CADM2: variants seen among roughly 807,000 people sequenced by gnomAD.
The protein encoded by CADM2 is cell adhesion molecule 2.
CADM2 carries 12 observed loss-of-function variants against 49.8 expected under a neutral mutation model. The ratio of observed to expected loss-of-function variants is 0.24; its 90% CI spans 0.15 to 0.39. CADM2 has a LOEUF of 0.39. Ranked by LOEUF, CADM2 falls within the 10% of genes least tolerant of loss-of-function variation. CADM2 has a pLI of 1.00. For missense variants in CADM2, 378 were observed against 492.3 expected, an observed-to-expected ratio of 0.77 and a Z score of 2.20; for synonymous variants, 214 against 175.4, an observed-to-expected ratio of 1.22 and a Z score of -1.74.
chr3:85,753,194 T>C (rs1012057129), intron 2 of CADM2, among the ~76,000 whole-genome samples: 2 of 152,070 alleles, frequency 1.3e-5, no homozygotes, highest in Non-Finnish European at 2.9e-5. Flanking sequence ...TCCAAATACA[T>C]TAAATATATA....
chr3:85,510,798 C>A (rs1034755743), intron 1 of CADM2, among the ~76,000 whole-genome samples: 3 of 152,010 alleles, frequency 2.0e-5, no homozygotes, highest in Admixed American at 6.6e-5. Context: ...AATTGAGTTT[C>A]TACTTCATAT....
chr3:85,907,922 AAAAG>A (rs1272983042), intron 5 of CADM2, among the ~76,000 whole-genome samples: 1 of 151,950 alleles, frequency 6.6e-6, no homozygotes, highest in African/African-American at 2.4e-5. Flanking sequence ...AAAAAAAAAA[AAAAG>A]AAGATATCTT....
chr3:85,241,113 A>G (rs2042520745), intron 1 of CADM2, among the ~76,000 whole-genome samples: 1 of 151,562 alleles, frequency 6.6e-6, no homozygotes, highest in Non-Finnish European at 1.5e-5. Flanking sequence ...CTGGGTGTTC[A>G]TGTGTTTAAT....
chr3:85,585,292 T>C (rs1405889250), intron 1 of CADM2, among the ~76,000 whole-genome samples: 1 of 151,850 alleles, frequency 6.6e-6, no homozygotes, highest in African/African-American at 2.4e-5. Context: ...GGATCCAAAG[T>C]GCAAAATTAT....
intron 1 of CADM2, among the ~76,000 whole-genome samples, chr3:85,259,782 G>T (rs1311001334): frequency 1.3e-5 from 2 of 152,040 alleles, no homozygotes; most frequent in Admixed American, 6.6e-5. Context: ...ATGGACAATT[G>T]TCTCAGTGCT....
chr3:85,992,020 A>T (rs970860094), intron 8 of CADM2, among the ~76,000 whole-genome samples: 16 of 151,976 alleles, frequency 1.1e-4, no homozygotes, highest in East Asian at 3.9e-4. Flanking sequence ...TTAGGCAGAA[A>T]AACCACATTA....
intron 1 of CADM2, among the ~76,000 whole-genome samples, chr3:85,588,416 G>C (rs1195473829): frequency 2.0e-5 from 3 of 152,008 alleles, no homozygotes; most frequent in African/African-American, 7.2e-5. Flanking sequence ...ATACAGTGTT[G>C]CAAAAGGGAG....
intron 1 of CADM2, among the ~76,000 whole-genome samples, chr3:85,125,011 T>C (rs998951808): frequency 1.3e-5 from 2 of 152,158 alleles, no homozygotes; most frequent in East Asian, 1.9e-4. Flanking sequence ...AATAAAATGC[T>C]CTAAGAACAG....
intron 7 of CADM2, among the ~76,000 whole-genome samples, chr3:85,959,967 A>T (rs753893714): frequency 3.4e-5 from 5 of 147,844 alleles, no homozygotes; most frequent in Non-Finnish European, 7.7e-5. Context: ...GTTTCTTGCC[A>T]GGAAACTCTT....
At chr3:85,557,815 G>A (rs2061998951) in intron 1 of CADM2, among the ~76,000 whole-genome samples, 1 of 151,958 alleles carries the variant, frequency 6.6e-6, no homozygotes, top group Non-Finnish European at 1.5e-5. Flanking sequence ...TTCTGATCCT[G>A]TGCCCTATGT....
intron 1 of CADM2, among the ~76,000 whole-genome samples, chr3:85,443,562 T>G (rs1350750514): frequency 1.3e-5 from 2 of 152,156 alleles, no homozygotes; most frequent in Non-Finnish European, 1.5e-5. Context: ...AGATCACCAG[T>G]GCCTTCCACA....
intron 2 of CADM2, among the ~76,000 whole-genome samples, chr3:85,775,352 G>A (rs1162262437): frequency 6.6e-6 from 1 of 151,450 alleles, no homozygotes; most frequent in Admixed American, 6.6e-5. Flanking sequence ...CCCTATTATA[G>A]TATAATAATA....
At chr3:85,071,552 G>A (rs1290472138) in intron 1 of CADM2, among the ~76,000 whole-genome samples, 1 of 152,050 alleles carries the variant, frequency 6.6e-6, no homozygotes, top group Non-Finnish European at 1.5e-5. Context: ...ATACAACCTT[G>A]AGAATTCATT....
intron 1 of CADM2, among the ~76,000 whole-genome samples, chr3:85,197,575 C>G (rs2041374928): frequency 6.6e-6 from 1 of 151,992 alleles, no homozygotes; most frequent in African/African-American, 2.4e-5. Flanking sequence ...TTAATTGACA[C>G]TCCAAACTAG....
chr3:85,312,119 G>A (rs1267724322), intron 1 of CADM2, among the ~76,000 whole-genome samples: 1 of 152,016 alleles, frequency 6.6e-6, no homozygotes, highest in East Asian at 1.9e-4. Context: ...TTAGAGAGAA[G>A]AATCTCTCTG....
chr3:85,774,547 A>G (rs1278598577), intron 2 of CADM2, among the ~76,000 whole-genome samples: 1 of 151,640 alleles, frequency 6.6e-6, no homozygotes, highest in East Asian at 1.9e-4. Flanking sequence ...CAAAAATATT[A>G]TCCTCATGAA....
chr3:85,829,855 T>C (rs578074739), intron 3 of CADM2, among the ~76,000 whole-genome samples: 3 of 152,040 alleles, frequency 2.0e-5, no homozygotes, highest in Non-Finnish European at 4.4e-5. Context: ...TTTCCCTTTT[T>C]TAAAAGGCTG....
chr3:86,043,631 C>A (rs9880160), intron 8 of CADM2, among the ~76,000 whole-genome samples: 6,332 of 152,218 alleles, frequency 0.042, 421 homozygotes, highest in African/African-American at 0.14. Flanking sequence ...AATGGCCATA[C>A]TGTCCAAGGT....
At chr3:85,179,705 T>G (rs994346514) in intron 1 of CADM2, among the ~76,000 whole-genome samples, 41 of 152,246 alleles carry the variant, frequency 2.7e-4, no homozygotes, top group Non-Finnish European at 5.1e-4. Context: ...GGATAGATTT[T>G]TTTCCACAAG....
Sources: allele counts gnomAD v4.1 joint callset (sites outside exome capture counted in the v4.1 genomes callset), GRCh38; gene constraint gnomAD v4.1.1; transcripts MANE v1.5; gene names NCBI Gene and HGNC (gene_info 2026-07-23, HGNC 2026-07-21).